Variants in C12orf42 observed in about 807,000 individuals in gnomAD.
C12orf42 encodes the protein chromosome 12 open reading frame 42.
C12orf42 carries 25 observed loss-of-function variants against 21.6 expected under a neutral mutation model. That is an observed-to-expected ratio of 1.16 (90% CI 0.84 to 1.62). The LOEUF (loss-of-function observed/expected upper bound fraction) is 1.62. Among genes scored for constraint, C12orf42 ranks in the 40% most tolerant of loss-of-function variants. The pLI is 0.00. For synonymous variants in C12orf42, 174 were observed against 175.0 expected, an observed-to-expected ratio of 0.99 and a Z score of 0.05; for missense variants, 483 against 459.3, an observed-to-expected ratio of 1.05 and a Z score of -0.47.
At chr12:103,356,594 T>C (rs200039053) in intron 4 of C12orf42, among the ~76,000 whole-genome samples, 6,285 of 151,218 alleles carry the variant, frequency 0.042, 312 homozygotes, top group East Asian at 0.21. Context: ...CCTGAGGAAT[T>C]GCCACACTGA....
intron 2 of C12orf42, among the ~76,000 whole-genome samples, chr12:103,466,937 C>T (rs1953184715): frequency 6.6e-6 from 1 of 152,186 alleles, no homozygotes; most frequent in African/African-American, 2.4e-5. Context: ...ACCCAGTCTT[C>T]CCAGACGAGG....
the C12orf42 span, among the ~76,000 whole-genome samples, chr12:103,229,924 G>A: frequency 2.0e-5 from 3 of 152,188 alleles, no homozygotes; most frequent in Non-Finnish European, 4.4e-5. Context: ...CATCCGAGGA[G>A]TGAGAGTTTT....
the C12orf42 span, among the ~76,000 whole-genome samples, chr12:103,501,795 A>C: frequency 6.6e-6 from 1 of 152,190 alleles, no homozygotes; most frequent in Non-Finnish European, 1.5e-5. Context: ...CTGCTCAAAG[A>C]CCACATACTG....
At chr12:103,075,054 C>T in the C12orf42 span, among the ~76,000 whole-genome samples, 1 of 152,100 alleles carries the variant, frequency 6.6e-6, no homozygotes, top group African/African-American at 2.4e-5. Flanking sequence ...TGCCATTGCA[C>T]TCCAGCCTGG....
At chr12:103,513,442 T>C in the C12orf42 span, among the ~76,000 whole-genome samples, 1 of 152,232 alleles carries the variant, frequency 6.6e-6, no homozygotes, top group African/African-American at 2.4e-5. Flanking sequence ...GGATTTTAGT[T>C]ATGTGAACAA....
the C12orf42 span, among the ~76,000 whole-genome samples, chr12:103,176,815 G>A: frequency 6.6e-6 from 1 of 152,148 alleles, no homozygotes; most frequent in Non-Finnish European, 1.5e-5. Flanking sequence ...CAGAACTTAG[G>A]TGCCAATAAG....
chr12:103,389,587 C>T (rs2046900866), intron 3 of C12orf42, among the ~76,000 whole-genome samples: 1 of 152,160 alleles, frequency 6.6e-6, no homozygotes, highest in Non-Finnish European at 1.5e-5. Flanking sequence ...CCGTTCCATC[C>T]TTCCCTTTCA....
the C12orf42 span, among the ~76,000 whole-genome samples, chr12:103,071,028 C>T: frequency 1.3e-5 from 2 of 152,182 alleles, no homozygotes; most frequent in Admixed American, 6.5e-5. Flanking sequence ...AAGTAAAATG[C>T]CAGTGATGCT....
At chr12:103,158,875 A>G in the C12orf42 span, among the ~76,000 whole-genome samples, 1 of 69,240 alleles carries the variant, frequency 1.4e-5, no homozygotes, top group Non-Finnish European at 2.8e-5. Context: ...GCAAGACTCA[A>G]AAAAAAAAAA....
the C12orf42 span, among the ~76,000 whole-genome samples, chr12:103,540,644 T>C: frequency 6.6e-6 from 1 of 152,226 alleles, no homozygotes; most frequent in Non-Finnish European, 1.5e-5. Flanking sequence ...TCATTTCCTA[T>C]CCATTTATCT....
intron 1 of C12orf42, among the ~76,000 whole-genome samples, chr12:103,482,503 C>T (rs1954541847): frequency 6.6e-6 from 1 of 152,014 alleles, no homozygotes; most frequent in African/African-American, 2.4e-5. Flanking sequence ...AGTCTTCTCG[C>T]TTGTCCCTTC....
At chr12:103,354,781 T>G (rs894631857) in intron 4 of C12orf42, among the ~76,000 whole-genome samples, 7 of 152,078 alleles carry the variant, frequency 4.6e-5, no homozygotes, top group Non-Finnish European at 8.8e-5. Flanking sequence ...TGGTCTCAAA[T>G]TCCTGGGCTG....
the C12orf42 span, among the ~76,000 whole-genome samples, chr12:103,514,206 G>A: frequency 6.6e-6 from 1 of 152,152 alleles, no homozygotes; most frequent in Admixed American, 6.5e-5. Flanking sequence ...AACAGGATGG[G>A]GGAAACCGCC....
chr12:103,409,257 T>C (rs905160714), intron 2 of C12orf42, among the ~76,000 whole-genome samples: 1 of 152,162 alleles, frequency 6.6e-6, no homozygotes, highest in South Asian at 2.1e-4. Flanking sequence ...TTGTATTTAA[T>C]TAAGTTCTTC....
chr12:103,134,330 A>G, the C12orf42 span, among the ~76,000 whole-genome samples: 1 of 152,190 alleles, frequency 6.6e-6, no homozygotes, highest in Non-Finnish European at 1.5e-5. Flanking sequence ...TCAGTTTAAT[A>G]CTGGAGAATA....
At chr12:103,133,004 T>C in the C12orf42 span, among the ~76,000 whole-genome samples, 2 of 152,148 alleles carry the variant, frequency 1.3e-5, no homozygotes, top group African/African-American at 4.8e-5. Flanking sequence ...CCTGGGGGCC[T>C]CAGGACAGGT....
chr12:103,382,125 T>C (rs1283363923), intron 3 of C12orf42, among the ~76,000 whole-genome samples: 2 of 152,170 alleles, frequency 1.3e-5, no homozygotes, highest in African/African-American at 4.8e-5. Flanking sequence ...ACCAATCCAT[T>C]GGTTATTGTA....
chr12:103,546,445 T>C, the C12orf42 span, among the ~76,000 whole-genome samples: 2 of 152,168 alleles, frequency 1.3e-5, no homozygotes, highest in African/African-American at 4.8e-5. Flanking sequence ...TGGTTGCTTT[T>C]ATGTTGTGTG....
At chr12:103,093,656 T>C in the C12orf42 span, among the ~76,000 whole-genome samples, 50 of 152,248 alleles carry the variant, frequency 3.3e-4, no homozygotes, top group African/African-American at 1.2e-3. Context: ...CAGCCTGCAT[T>C]CCTGGGGACA....
Sources: gnomAD v4.1 joint callset for allele counts (sites outside exome capture counted in the v4.1 genomes callset) on GRCh38, gnomAD v4.1.1 for gene constraint, MANE v1.5 for transcripts, NCBI Gene and HGNC (gene_info 2026-07-23, HGNC 2026-07-21) for gene names.